CPXM2: variants seen among roughly 807,000 people sequenced by gnomAD.
CPXM2 encodes carboxypeptidase X, M14 family member 2.
Under a neutral mutation model 86.1 loss-of-function variants are expected in CPXM2, and 66 were observed. That is an observed-to-expected ratio of 0.77 (90% CI 0.63 to 0.94). The LOEUF is 0.94. CPXM2 is among the 40% of genes least tolerant of loss of function. The probability of loss-of-function intolerance (pLI) is 0.00; values close to 1 mark genes in which losing one functional copy is unlikely to be tolerated. For synonymous variants in CPXM2, 388 were observed against 400.2 expected (o/e 0.97, Z 0.36); for missense variants, 948 against 1,026.3 (o/e 0.92, Z 1.04).
chr10:123,907,738 G>A (rs1210428718), intron 2 of CPXM2, among the ~76,000 whole-genome samples: 2 of 151,878 alleles, frequency 1.3e-5, no homozygotes, highest in Non-Finnish European at 2.9e-5. Flanking sequence ...TCTCCTTGGT[G>A]CCAAGAAAGG....
chr10:123,822,307 C>T (rs1847942613), intron 4 of CPXM2, among the ~76,000 whole-genome samples: 1 of 152,134 alleles, frequency 6.6e-6, no homozygotes, highest in African/African-American at 2.4e-5. Flanking sequence ...AGCATATAAG[C>T]CACTCTTTCT....
chr10:123,934,784 T>C (rs953539420), intron 2 of CPXM2, among the ~76,000 whole-genome samples: 17 of 152,020 alleles, frequency 1.1e-4, no homozygotes, highest in Non-Finnish European at 2.1e-4. Flanking sequence ...CCCACCCATT[T>C]CCTCCAGCCA....
At chr10:123,880,658 T>C (rs1301573494) in intron 1 of CPXM2, among the ~76,000 whole-genome samples, 2 of 151,636 alleles carry the variant, frequency 1.3e-5, no homozygotes, top group Non-Finnish European at 2.9e-5. Flanking sequence ...TGAAACCCTG[T>C]CTCTACTAAA....
intron 3 of CPXM2, among the ~76,000 whole-genome samples, chr10:123,858,165 C>A (rs2362680): frequency 1.3e-5 from 2 of 152,232 alleles, no homozygotes; most frequent in African/African-American, 4.8e-5. Context: ...CCACACAGGG[C>A]AAATATGCAC....
intron 11 of CPXM2, among the ~76,000 whole-genome samples, chr10:123,759,404 T>C (rs1056629529): frequency 6.6e-6 from 1 of 152,190 alleles, no homozygotes; most frequent in African/African-American, 2.4e-5. Flanking sequence ...TTGCAATATG[T>C]GTCTTCAGAG....
chr10:123,913,040 G>A (rs1021664104), intron 2 of CPXM2, among the ~76,000 whole-genome samples: 12 of 152,214 alleles, frequency 7.9e-5, no homozygotes, highest in African/African-American at 2.2e-4. Context: ...CAGAGATGAA[G>A]GGCTCTAAAT....
At chr10:123,938,488 G>C (rs1012912726) in intron 2 of CPXM2, among the ~76,000 whole-genome samples, 5 of 152,054 alleles carry the variant, frequency 3.3e-5, no homozygotes, top group African/African-American at 1.2e-4. Context: ...CTTTCCCCTT[G>C]TCTCTTTCTT....
chr10:123,883,109 G>T (rs931755500), intron 1 of CPXM2, among the ~76,000 whole-genome samples: 5 of 152,250 alleles, frequency 3.3e-5, no homozygotes, highest in African/African-American at 1.2e-4. Context: ...ATTTAGGCCT[G>T]TGAGGAAACT....
At chr10:123,938,817 G>A (rs1945747215) in intron 2 of CPXM2, among the ~76,000 whole-genome samples, 1 of 151,844 alleles carries the variant, frequency 6.6e-6, no homozygotes, top group Admixed American at 6.6e-5. Context: ...AGTCGGTGAT[G>A]GCAGTGGGAG....
At chr10:123,813,527 C>G (rs1385962490) in intron 4 of CPXM2, among the ~76,000 whole-genome samples, 35 of 152,174 alleles carry the variant, frequency 2.3e-4, no homozygotes, top group Admixed American at 2.3e-3. Flanking sequence ...GCACATGATG[C>G]GTAGTAATTG....
intron 7 of CPXM2, among the ~76,000 whole-genome samples, chr10:123,772,123 C>T (rs909615959): frequency 6.6e-6 from 1 of 152,276 alleles, no homozygotes; most frequent in Non-Finnish European, 1.5e-5. Flanking sequence ...TGGCTATCAC[C>T]TCCCTGGTTG....
At chr10:123,769,964 A>G (rs1408174374) in intron 8 of CPXM2, among the ~76,000 whole-genome samples, 1 of 152,202 alleles carries the variant, frequency 6.6e-6, no homozygotes, top group Non-Finnish European at 1.5e-5. Flanking sequence ...ACCAGCAGAT[A>G]AAGTTTTTAC....
intron 13 of CPXM2, chr10:123,752,197 C>A: frequency 1.0e-5 from 10 of 985,378 alleles, no homozygotes; most frequent in Non-Finnish European, 1.1e-5. Flanking sequence ...TGGTCTCTGG[C>A]ACATTCCAGC....
At chr10:123,894,567 A>G (rs764187795), upstream of CPXM2, among the ~76,000 whole-genome samples, 2 of 152,184 alleles carry the variant, frequency 1.3e-5, no homozygotes, top group African/African-American at 4.8e-5. Context: ...AGGCACAGTC[A>G]GAGCTCATGA....
chr10:123,756,914 C>G (rs941755562), intron 12 of CPXM2, among the ~76,000 whole-genome samples: 3 of 152,172 alleles, frequency 2.0e-5, no homozygotes, highest in African/African-American at 7.2e-5. Flanking sequence ...TAGACTGAGA[C>G]GAGGGGCCTG....
chr10:123,924,258 A>G (rs576789846), intron 2 of CPXM2, among the ~76,000 whole-genome samples: 2 of 152,320 alleles, frequency 1.3e-5, no homozygotes, highest in South Asian at 4.1e-4. Flanking sequence ...TCAGTCCCAC[A>G]AGACTGCCCC....
intron 4 of CPXM2, among the ~76,000 whole-genome samples, chr10:123,836,854 C>A (rs987657783): frequency 4.0e-5 from 6 of 151,874 alleles, no homozygotes; most frequent in Admixed American, 2.6e-4. Flanking sequence ...ATTAGCCACC[C>A]CCCACCAATT....
chr10:123,757,763 A>AT (rs1239396705), intron 11 of CPXM2, among the ~76,000 whole-genome samples: 1 of 152,194 alleles, frequency 6.6e-6, no homozygotes, highest in Non-Finnish European at 1.5e-5. Context: ...CTATAGCTCT[A>AT]TGACAGTCTT....
intron 2 of CPXM2, among the ~76,000 whole-genome samples, chr10:123,914,645 G>A (rs1485885196): frequency 2.6e-5 from 4 of 152,120 alleles, no homozygotes; most frequent in East Asian, 1.9e-4. Flanking sequence ...CCTGGCACCC[G>A]GGCCCTAAAT....
Sources: gnomAD v4.1 joint callset for allele counts (sites outside exome capture counted in the v4.1 genomes callset) on GRCh38, gnomAD v4.1.1 for gene constraint, MANE v1.5 for transcripts, NCBI Gene and HGNC (gene_info 2026-07-23, HGNC 2026-07-21) for gene names.